The following ADAMTSL1 variants were observed in gnomAD, a reference collection of about 807,000 sequenced individuals.
ADAMTSL1 encodes ADAMTS-like protein 1.
In ADAMTSL1, 126 loss-of-function variants were observed where a neutral mutation model predicts 201.8. The observed-to-expected ratio is 0.62, with a 90% CI of 0.54 to 0.72. The LOEUF (loss-of-function observed/expected upper bound fraction) is 0.72, where lower values mean the gene tolerates loss of function less well. Ranked by LOEUF, ADAMTSL1 falls within the 30% of genes least tolerant of loss-of-function variation. The pLI is 0.00. For synonymous variants in ADAMTSL1, 1,121 were observed against 903.4 expected (o/e 1.24, Z -4.32); for missense variants, 2,679 against 2,277.8 (o/e 1.18, Z -3.59).
chr9:18,216,615 G>A (rs897737379), intron 2 of ADAMTSL1, among the ~76,000 whole-genome samples: 7 of 151,508 alleles, frequency 4.6e-5, no homozygotes, highest in African/African-American at 1.7e-4. Flanking sequence ...AACAGATTTG[G>A]GCACGCAGCA....
chr9:18,754,052 G>T (rs561798779), intron 16 of ADAMTSL1, among the ~76,000 whole-genome samples: 153 of 152,264 alleles, frequency 1.0e-3, no homozygotes, highest in African/African-American at 3.5e-3. Flanking sequence ...ACAAACTGCA[G>T]CCCTCAAGCT....
At chr9:18,844,364 G>A (rs1400202023) in intron 23 of ADAMTSL1, among the ~76,000 whole-genome samples, 4 of 152,142 alleles carry the variant, frequency 2.6e-5, no homozygotes, top group Non-Finnish European at 2.9e-5. Context: ...TTCATGAACC[G>A]CGAATGCTGC....
intron 2 of ADAMTSL1, among the ~76,000 whole-genome samples, chr9:18,297,426 G>C (rs1239610783): frequency 6.6e-6 from 1 of 151,476 alleles, no homozygotes; most frequent in Non-Finnish European, 1.5e-5. Flanking sequence ...TTCCTGCCTG[G>C]AGAAAGTTCT....
intron 19 of ADAMTSL1, among the ~76,000 whole-genome samples, chr9:18,784,814 T>C (rs1353597718): frequency 6.6e-6 from 1 of 152,164 alleles, no homozygotes; most frequent in Non-Finnish European, 1.5e-5. Flanking sequence ...TTTACCGATA[T>C]TGGAGTTGAA....
At chr9:18,804,997 G>A (rs1823017095) in intron 20 of ADAMTSL1, among the ~76,000 whole-genome samples, 1 of 152,140 alleles carries the variant, frequency 6.6e-6, no homozygotes, top group Admixed American at 6.5e-5. Flanking sequence ...AAATATTGCT[G>A]TATACTCAAA....
Position 18,908,743 on chromosome 9 carries a change from A to C in ADAMTSL1, c.*195A>C. On this transcript the variant is annotated 3_prime_UTR_variant, in exon 29 of 29. Coordinates refer to ENST00000380548, the MANE Select transcript of ADAMTSL1 (RefSeq NM_001040272.6). Reference sequence around the variant, plus strand: ...GTTTTCTCTTTCAGTTAGCTGGAGGACAGGATGTTGGGAAAGGAAAGGACA... The same window carrying C: ...GTTTTCTCTTTCAGTTAGCTGGAGGCCAGGATGTTGGGAAAGGAAAGGACA... 1.8e-6 allele frequency: 1 copy of C among 541,910 alleles called. No individual in the cohort carries two copies. The highest frequency in any genetic ancestry group is 3.3e-6 in the Non-Finnish European group (1 of 302,466). 33.6% of individuals were successfully genotyped at this position (541,910 alleles called of 1,614,324 possible).
At chr9:18,108,420 G>T (rs1824857385) in intron 1 of ADAMTSL1, among the ~76,000 whole-genome samples, 1 of 151,846 alleles carries the variant, frequency 6.6e-6, no homozygotes, top group African/African-American at 2.4e-5. Flanking sequence ...GGCTGGTCTT[G>T]AACTCCTGAG....
At chr9:18,590,574 C>CT (rs530316387) in intron 4 of ADAMTSL1, among the ~76,000 whole-genome samples, 104 of 151,494 alleles carry the variant, frequency 6.9e-4, no homozygotes, top group Admixed American at 1.1e-3. Flanking sequence ...TTAGTTTGTT[C>CT]TTTTTTTTCT....
chr9:18,746,859 G>A (rs1312687496), intron 15 of ADAMTSL1, among the ~76,000 whole-genome samples: 1 of 151,564 alleles, frequency 6.6e-6, no homozygotes, highest in African/African-American at 2.4e-5. Flanking sequence ...ATGGGTCGTT[G>A]ATTACCCATA....
intron 9 of ADAMTSL1, among the ~76,000 whole-genome samples, chr9:18,664,046 G>A (rs1474169892): frequency 1.3e-5 from 2 of 152,148 alleles, no homozygotes; most frequent in Non-Finnish European, 2.9e-5. Context: ...AGAAAGATAA[G>A]TGAGAAAAGG....
At chr9:18,330,391 C>A (rs1276478456) in intron 2 of ADAMTSL1, among the ~76,000 whole-genome samples, 1 of 152,040 alleles carries the variant, frequency 6.6e-6, no homozygotes, top group South Asian at 2.1e-4. Context: ...TACAGTGACA[C>A]AGTTGAGGAC....
chr9:18,708,430 T>G (rs978912582), intron 14 of ADAMTSL1, among the ~76,000 whole-genome samples: 2 of 152,210 alleles, frequency 1.3e-5, no homozygotes, highest in Admixed American at 6.5e-5. Context: ...TCCAAATGAT[T>G]CCGGAAGACA....
chr9:17,960,005 T>G (rs969234201), intron 1 of ADAMTSL1, among the ~76,000 whole-genome samples: 4 of 152,156 alleles, frequency 2.6e-5, no homozygotes, highest in African/African-American at 9.6e-5. Context: ...GAACCCAAAG[T>G]TGCAGTGACT....
intron 3 of ADAMTSL1, among the ~76,000 whole-genome samples, chr9:18,571,413 T>G (rs1220280561): frequency 6.6e-6 from 1 of 152,226 alleles, no homozygotes; most frequent in East Asian, 1.9e-4. Context: ...CTTTATTGTA[T>G]TTCAGTATAA....
chr9:18,470,764 A>G (rs1821176037), upstream of ADAMTSL1, among the ~76,000 whole-genome samples: 1 of 152,216 alleles, frequency 6.6e-6, no homozygotes, highest in South Asian at 2.1e-4. Flanking sequence ...GCTTCTGTCC[A>G]AGCTGGTGTC....
At chr9:18,766,142 T>A (rs933533167) in intron 16 of ADAMTSL1, among the ~76,000 whole-genome samples, 2 of 152,242 alleles carry the variant, frequency 1.3e-5, no homozygotes, top group African/African-American at 4.8e-5. Flanking sequence ...TCTCTTGCTC[T>A]GCTATACATT....
In ADAMTSL1 at chr9:18,710,661, G is replaced by GTTTTTTTTTTTTTTTTTTTTTTTT. The variant is rs1352571180; in HGVS notation, c.1876+3617_1876+3618insTTTTTTTTTTTTTTTTTTTTTTTT. Among the ~76,000 whole-genome samples, 7 of 79,640 alleles carry GTTTTTTTTTTTTTTTTTTTTTTTT rather than the reference G, an allele frequency of 8.8e-5. 3 individuals are homozygous for GTTTTTTTTTTTTTTTTTTTTTTTT. Among genetic ancestry groups the GTTTTTTTTTTTTTTTTTTTTTTTT allele is most frequent in the African/African-American group, 2.2e-4 (5 of 23,128 alleles). The allele number at this position is 79,640 out of a possible 152,430, so 52.2% of individuals were successfully genotyped here. ...TCCTTGCAGTCTTAGAAGGGCCTAA[G>GTTTTTTTTTTTTTTTTTTTTTTTT]TTTTGTTTTGTTTTTTTTTTTTTTT... On this transcript the variant is annotated intron_variant, in intron 14 of 28. Transcript: ENST00000380548.
chr9:18,087,203 A>G (rs988463144), intron 1 of ADAMTSL1, among the ~76,000 whole-genome samples: 1 of 152,048 alleles, frequency 6.6e-6, no homozygotes, highest in Non-Finnish European at 1.5e-5. Flanking sequence ...CCCTCCCTAA[A>G]TGCTTTTAAA....
chr9:18,602,688 C>T (rs1824740814), intron 4 of ADAMTSL1, among the ~76,000 whole-genome samples: 1 of 152,166 alleles, frequency 6.6e-6, no homozygotes, highest in Non-Finnish European at 1.5e-5. Flanking sequence ...TTTTATTCTC[C>T]CTCTCAAACA....
Sources: gnomAD v4.1 joint callset for allele counts (sites outside exome capture counted in the v4.1 genomes callset) on GRCh38, gnomAD v4.1.1 for gene constraint, MANE v1.5 for transcripts, NCBI Gene and HGNC (gene_info 2026-07-23, HGNC 2026-07-21) for gene names.